The following MILR1 variants were observed in gnomAD, a reference collection of about 807,000 sequenced individuals.
MILR1 encodes allergin-1.
Under a neutral mutation model 18.5 loss-of-function variants are expected in MILR1, and 31 were observed. The observed-to-expected ratio is 1.68, with a 90% CI of 1.26 to 2.26. The LOEUF is 2.26. Ranked by LOEUF, MILR1 falls within the 30% of genes most tolerant of loss-of-function variation. The probability of loss-of-function intolerance (pLI) is 0.00; values close to 1 mark genes in which losing one functional copy is unlikely to be tolerated. For synonymous variants in MILR1, 85 were observed against 56.2 expected (o/e 1.51, Z -2.30); for missense variants, 257 against 157.4 (o/e 1.63, Z -3.38).
chr17:64,490,785 G>A, the MILR1 span: 6 of 1,604,612 alleles, frequency 3.7e-6, no homozygotes, highest in African/African-American at 6.7e-5. Context: ...GGAGCTCCAG[G>A]TAAAACATAC....
chr17:64,487,430 A>C, the MILR1 span: 1 of 152,216 alleles, frequency 6.6e-6, no homozygotes, highest in Non-Finnish European at 1.5e-5. Context: ...CCTGGCCAAC[A>C]TGGTAAAACC....
the MILR1 span, among the ~76,000 whole-genome samples, chr17:64,479,043 C>T: frequency 6.6e-6 from 1 of 152,180 alleles, no homozygotes; most frequent in Non-Finnish European, 1.5e-5. Flanking sequence ...TTGACAATGT[C>T]CACATGGCTC....
At chr17:64,456,894 G>T (rs1174656700) in intron 3 of MILR1, among the ~76,000 whole-genome samples, 2 of 152,040 alleles carry the variant, frequency 1.3e-5, no homozygotes, top group African/African-American at 4.8e-5. Flanking sequence ...AGCACTTCTT[G>T]GGCCGGGTGT....
At chr17:64,452,135 C>T (rs1568062748) in intron 2 of MILR1, among the ~76,000 whole-genome samples, 1 of 148,454 alleles carries the variant, frequency 6.7e-6, no homozygotes, top group Non-Finnish European at 1.5e-5. Flanking sequence ...GACGAGGTCT[C>T]ACTTGTTGCC....
chr17:64,496,720 C>T, the MILR1 span: 2 of 1,614,000 alleles, frequency 1.2e-6, no homozygotes, highest in African/African-American at 1.3e-5. Flanking sequence ...TAAGCTGCTG[C>T]TTGCTTCCAC....
chr17:64,465,438 A>G lies in MILR1; in HGVS notation c.764-14A>G. 1 of 1,558,096 alleles carries G rather than the reference A, an allele frequency of 6.4e-7. No individual in the cohort carries two copies. The highest frequency in any genetic ancestry group is 8.8e-7 in the Non-Finnish European group (1 of 1,136,466). On this transcript the variant is annotated splice_polypyrimidine_tract_variant and intron_variant, in intron 5 of 9. Coordinates refer to ENST00000619286, the MANE Select transcript of MILR1 (RefSeq NM_001085423.2). ...GAATTGGTTTAATTTGATGATTCCT[A>G]CCTATTTACGTAGGAAAAGCTATGA... is the stretch of plus-strand genomic sequence containing the variant.
In MILR1 at chr17:64,466,432, C is replaced by T. The variant is rs547179826; in HGVS notation, c.854-10C>T. 17 of 1,612,546 alleles carry T rather than the reference C, an allele frequency of 1.1e-5. No homozygotes were observed. The highest frequency in any genetic ancestry group is 5.0e-5 in the Admixed American group (3 of 59,734). ...ACCAACCCCCAATTTATGTCATTCT[C>T]ATTTTACAGAGGAGGAATCTGTGCC... On this transcript the variant is annotated splice_polypyrimidine_tract_variant and intron_variant, in intron 6 of 9. Transcript: ENST00000619286.
At chr17:64,459,997 TTTA>T (rs1428633143) in intron 4 of MILR1, among the ~76,000 whole-genome samples, 38,660 of 79,078 alleles carry the variant, frequency 0.49, 6,486 homozygotes, top group East Asian at 0.57. Flanking sequence ...TTTTATTTTA[TTTA>T]TTTATTTATT....
chr17:64,452,441 C>G (rs970732712), intron 2 of MILR1, among the ~76,000 whole-genome samples, 156 bp from the exon 3 acceptor site: 3 of 151,876 alleles, frequency 2.0e-5, no homozygotes, highest in African/African-American at 7.3e-5. Flanking sequence ...TTAGTAGAGA[C>G]AGGGTTTTGC....
the MILR1 span, among the ~76,000 whole-genome samples, chr17:64,489,014 T>C: frequency 5.3e-5 from 8 of 151,516 alleles, no homozygotes; most frequent in African/African-American, 1.9e-4. Context: ...TTTTGCTATA[T>C]ATTTTTTCTT....
the MILR1 span, chr17:64,490,481 G>A: frequency 3.1e-5 from 11 of 351,196 alleles, no homozygotes; most frequent in South Asian, 2.0e-4. Context: ...TCAAGGTCAC[G>A]CAAGACAAGA....
At chr17:64,457,280 AG>A (rs2037320113) in intron 3 of MILR1, 119 bp from the exon 4 acceptor site, 1 of 402,990 alleles carries the variant, frequency 2.5e-6, no homozygotes, top group Non-Finnish European at 4.4e-6. Context: ...CTTCTCAGGA[AG>A]GGGGTCGTTC....
downstream of MILR1, among the ~76,000 whole-genome samples, chr17:64,472,479 A>AAAAAAG (rs1165036723): frequency 7.9e-4 from 117 of 148,638 alleles, 1 homozygote; most frequent in African/African-American, 2.8e-3. Context: ...AAAAAAAAAA[A>AAAAAAG]AAAAAAAAAA....
chr17:64,497,190 T>A, the MILR1 span, among the ~76,000 whole-genome samples: 2 of 152,246 alleles, frequency 1.3e-5, no homozygotes, highest in Non-Finnish European at 1.5e-5. Flanking sequence ...TCTGCTAGCT[T>A]GCCGTTCGCG....
At chr17:64,462,197 T>A (rs1043120344) in intron 5 of MILR1, among the ~76,000 whole-genome samples, 5 of 152,124 alleles carry the variant, frequency 3.3e-5, no homozygotes, top group Non-Finnish European at 5.9e-5. Flanking sequence ...TCTTCTTTTT[T>A]TATTCTATAT....
the MILR1 span, among the ~76,000 whole-genome samples, chr17:64,495,422 A>C: frequency 6.6e-6 from 1 of 151,790 alleles, no homozygotes; most frequent in Non-Finnish European, 1.5e-5. Flanking sequence ...TCTACAAAAA[A>C]CACAAAAATT....
downstream of MILR1, among the ~76,000 whole-genome samples, chr17:64,471,646 C>T (rs574914712): frequency 2.6e-4 from 39 of 152,196 alleles, no homozygotes; most frequent in Admixed American, 1.4e-3. Flanking sequence ...TCTATCACAG[C>T]AACTAGAACA....
chr17:64,473,244 G>A (rs1452216011), downstream of MILR1, among the ~76,000 whole-genome samples: 9 of 151,834 alleles, frequency 5.9e-5, no homozygotes, highest in Non-Finnish European at 1.0e-4. Flanking sequence ...CCAGCTACTC[G>A]GGAGGCTGAG....
the MILR1 span, chr17:64,493,039 A>C: frequency 1.2e-5 from 20 of 1,613,866 alleles, no homozygotes; most frequent in Non-Finnish European, 1.7e-5. Flanking sequence ...AAGATAAATC[A>C]ATCATTGTAT....
Sources: allele counts gnomAD v4.1 joint callset (sites outside exome capture counted in the v4.1 genomes callset), GRCh38; gene constraint gnomAD v4.1.1; transcripts MANE v1.5; gene names NCBI Gene and HGNC (gene_info 2026-07-23, HGNC 2026-07-21).